MDH1B: variants seen among roughly 807,000 people sequenced by gnomAD.
The protein encoded by MDH1B is putative malate dehydrogenase 1B.
Under a neutral mutation model 61.4 loss-of-function variants are expected in MDH1B, and 60 were observed. That is an observed-to-expected ratio of 0.98 (90% CI 0.79 to 1.21). MDH1B has a LOEUF of 1.21. Among genes scored for constraint, MDH1B ranks in the 50% most tolerant of loss-of-function variants. The pLI is 0.00. For missense variants in MDH1B, 587 were observed against 632.1 expected (o/e 0.93, Z 0.76); for synonymous variants, 236 against 218.7 (o/e 1.08, Z -0.70).
Position 206,755,377 on chromosome 2 carries a change from A to T in MDH1B, c.542T>A (p.Val181Glu). 6.2e-7 allele frequency: 1 copy of T among 1,614,218 alleles called. No individual in the cohort carries two copies. The highest frequency in any genetic ancestry group is 1.6e-4 in the Middle Eastern group (1 of 6,062). Residue 181 changes from valine to glutamate, a missense_variant, in exon 5 of 12, where the codon GTG (valine) becomes GAG (glutamate). Coordinates refer to ENST00000374412, the MANE Select transcript of MDH1B (RefSeq NM_001039845.3). The stretch of plus-strand genomic sequence containing the variant: ...AGATGCCAGGTCTTGGGTCTCCACC[A>T]CAAGGCTTTTGAGATGTTCTTCCGC... ...KQAEEHLKSL[V>E]VETQDLASPV...
chr2:206,741,811 T>G (rs1164140400), intron 9 of MDH1B, among the ~76,000 whole-genome samples: 3 of 152,210 alleles, frequency 2.0e-5, no homozygotes, highest in Admixed American at 6.5e-5. Flanking sequence ...GGAGTTCTTT[T>G]GTTGGTTTTC....
In MDH1B at chr2:206,747,198, G is replaced by C. The variant is rs183024695; in HGVS notation, c.1217-772C>G. On this transcript the variant is annotated intron_variant, in intron 7 of 11. Transcript: ENST00000374412. The stretch of plus-strand genomic sequence containing the variant: ...ACAACAACAACAACAAAACATTGAG[G>C]ACATTCGAGAAACCAAGATCTAAAA... 2.6e-4 allele frequency among the ~76,000 whole-genome samples: 39 copies of C among 152,164 alleles called. No homozygotes were observed. The East Asian group carries it at 6.4e-3, about 25-fold the overall frequency.
intron 11 of MDH1B, 49 bp downstream of exon 11, chr2:206,739,544 C>T (rs150060276): frequency 6.6e-7 from 1 of 1,517,268 alleles, no homozygotes; most frequent in African/African-American, 1.4e-5. Flanking sequence ...TTACCCAGTT[C>T]CACTTGTAGA....
chr2:206,745,168 G>A (rs1285038052), intron 9 of MDH1B, among the ~76,000 whole-genome samples: 2 of 152,052 alleles, frequency 1.3e-5, no homozygotes, highest in Non-Finnish European at 2.9e-5. Flanking sequence ...AGCACAGGTT[G>A]GAGTGATGCA....
chr2:206,743,604 C>G (rs1687934442), intron 9 of MDH1B, among the ~76,000 whole-genome samples: 1 of 152,282 alleles, frequency 6.6e-6, no homozygotes, highest in African/African-American at 2.4e-5. Flanking sequence ...ATGCAGTTCT[C>G]CATGTGACAT....
At chr2:206,756,134 G>A (rs747428706) in intron 4 of MDH1B, among the ~76,000 whole-genome samples, 3 of 152,168 alleles carry the variant, frequency 2.0e-5, no homozygotes, top group South Asian at 2.1e-4. Flanking sequence ...GGTTTGGGGA[G>A]GTGTATAATG....
chr2:206,758,631 T>G (rs1307518763), intron 2 of MDH1B, among the ~76,000 whole-genome samples: 2 of 151,998 alleles, frequency 1.3e-5, no homozygotes, highest in African/African-American at 2.4e-5. Flanking sequence ...CCAGGCGTGG[T>G]GATGGGTGCC....
chr2:206,746,185 A>C (rs7591076), intron 8 of MDH1B, 102 bp downstream of exon 8: 206,420 of 1,050,338 alleles, frequency 0.2, 29,587 homozygotes, highest in East Asian at 0.57. Context: ...AGAATTAAAA[A>C]AAAATTTGAA....
chr2:206,759,290 C>T (rs958467646), intron 2 of MDH1B, among the ~76,000 whole-genome samples: 3 of 152,122 alleles, frequency 2.0e-5, no homozygotes, highest in Non-Finnish European at 4.4e-5. Context: ...CAGCTCCATC[C>T]ATGTCCCTGC....
At chr2:206,747,090 T>C (rs76627795) in intron 7 of MDH1B, among the ~76,000 whole-genome samples, 3,813 of 152,204 alleles carry the variant, frequency 0.025, 67 homozygotes, top group East Asian at 0.058. Context: ...TTGTCCCCGT[T>C]TCTGGTGCCT....
At position 206,765,284 on chromosome 2, in the gene MDH1B, C is replaced by G; in HGVS notation, c.-13G>C. Reference sequence around the variant, plus strand: ...CGAATTTGGCCATGGTCGAGAGAGACTCAGAGGCAGGGACCGCGGCTTCGC... The same window carrying G: ...CGAATTTGGCCATGGTCGAGAGAGAGTCAGAGGCAGGGACCGCGGCTTCGC... On this transcript the variant is annotated 5_prime_UTR_variant, in exon 1 of 12. Transcript: ENST00000374412. 1.3e-6 allele frequency: 2 copies of G among 1,598,366 alleles called. No individual in the cohort carries two copies. The highest frequency in any genetic ancestry group is 2.2e-5 in the South Asian group (2 of 88,948).
chr2:206,739,406 T>C (rs6722033), intron 11 of MDH1B, among the ~76,000 whole-genome samples, 187 bp downstream of exon 11: 43,395 of 151,578 alleles, frequency 0.29, 8,429 homozygotes, highest in East Asian at 0.55. Context: ...AGAGCAGACC[T>C]TGTCTTAAAA....
At chr2:206,762,618 T>G (rs1689167370) in intron 1 of MDH1B, among the ~76,000 whole-genome samples, 1 of 152,216 alleles carries the variant, frequency 6.6e-6, no homozygotes, top group Non-Finnish European at 1.5e-5. Context: ...TTGCCTTTCG[T>G]ATGTCCTTTT....
Position 206,746,437 on chromosome 2 carries a change from CA to C in MDH1B, c.1217-12del, listed in dbSNP as rs767919578. The stretch of plus-strand genomic sequence containing the variant: ...GAATACCAAACTGGCCTGCAGTGAG[CA>C]AACACAAAGCAAAGCAATGCAGCAG... On this transcript the variant is annotated splice_polypyrimidine_tract_variant and intron_variant, in intron 7 of 11. Transcript: ENST00000374412. 4 of 1,603,060 alleles carry C rather than the reference CA, an allele frequency of 2.5e-6. No individual in the cohort carries two copies. The South Asian group carries it at 4.5e-5, about 18-fold the overall frequency.
At chr2:206,739,759 G>A (rs1687704808) in intron 10 of MDH1B, 98 bp from the exon 11 acceptor site, 2 of 1,088,894 alleles carry the variant, frequency 1.8e-6, no homozygotes, top group African/African-American at 1.6e-5. Context: ...CCACTCTGAG[G>A]TTTCTCTGAA....
Position 206,765,324 on chromosome 2 carries a change from C to A in MDH1B, c.-53G>T. On this transcript the variant is annotated 5_prime_UTR_variant, in exon 1 of 12. Coordinates refer to ENST00000374412, the MANE Select transcript of MDH1B (RefSeq NM_001039845.3). ...CGCGGCTTCGCGGTTTCCTGGCAAC[C>A]ACGCAGCCAAGGGCAAGGCGCAGGC... 1 of 1,569,300 alleles carries A rather than the reference C, an allele frequency of 6.4e-7. No individual in the cohort carries two copies. Among genetic ancestry groups the A allele is most frequent in the South Asian group, 1.2e-5 (1 of 84,374 alleles).
At chr2:206,739,206 G>C (rs1166370025) in intron 11 of MDH1B, among the ~76,000 whole-genome samples, 1 of 152,112 alleles carries the variant, frequency 6.6e-6, no homozygotes, top group Non-Finnish European at 1.5e-5. Context: ...CTTGGGCCCA[G>C]GAGTTTGAGA....
rs573230844 is a variant in MDH1B at position 206,738,948 on chromosome 2, TG to T, written c.1529-438del. 2.7e-3 allele frequency among the ~76,000 whole-genome samples: 412 copies of T among 152,134 alleles called. 1 individual carries two copies. Among genetic ancestry groups the T allele is most frequent in the Non-Finnish European group, 4.2e-3 (285 of 67,968 alleles). On this transcript the variant is annotated intron_variant, in intron 11 of 11. Coordinates refer to ENST00000374412, the MANE Select transcript of MDH1B (RefSeq NM_001039845.3). Reference sequence around the variant, plus strand: ...TTTATTGGACATTTAAATAAAAGGGTGGGGGCTTGGGTGAATATCCTGATTG... The same window carrying T: ...TTTATTGGACATTTAAATAAAAGGGTGGGGCTTGGGTGAATATCCTGATTG...
chr2:206,758,230 G>A (rs548572614), intron 2 of MDH1B, among the ~76,000 whole-genome samples: 3 of 152,338 alleles, frequency 2.0e-5, no homozygotes, highest in South Asian at 4.1e-4. Context: ...CCCAGCAGGA[G>A]CTGCAAGGGC....
Sources: gnomAD v4.1 joint callset for allele counts (sites outside exome capture counted in the v4.1 genomes callset) on GRCh38, gnomAD v4.1.1 for gene constraint, MANE v1.5 for transcripts, NCBI Gene and HGNC (gene_info 2026-07-23, HGNC 2026-07-21) for gene names.